The following NELL1 variants were observed in gnomAD, a reference collection of about 807,000 sequenced individuals.
The protein encoded by NELL1 is neural EGFL like 1, also known as protein kinase C-binding protein NELL1.
A neutral mutation model predicts 107.4 loss-of-function variants in NELL1; 76 were observed. The ratio of observed to expected loss-of-function variants is 0.71; its 90% CI spans 0.59 to 0.86. NELL1 has a LOEUF of 0.86. NELL1 is among the 40% of genes least tolerant of loss of function. NELL1 has a pLI of 0.00. For synonymous variants in NELL1, 353 were observed against 341.2 expected, an observed-to-expected ratio of 1.03 and a Z score of -0.38; for missense variants, 1,024 against 1,005.5, an observed-to-expected ratio of 1.02 and a Z score of -0.25.
chr11:21,373,744 C>T (rs933798447), intron 15 of NELL1, among the ~76,000 whole-genome samples: 8 of 152,060 alleles, frequency 5.3e-5, no homozygotes, highest in Non-Finnish European at 1.0e-4. Flanking sequence ...TTCATAACCC[C>T]CCTTAAGCAA....
chr11:21,017,088 T>C (rs182866953), intron 12 of NELL1, among the ~76,000 whole-genome samples: 1 of 152,216 alleles, frequency 6.6e-6, no homozygotes, highest in East Asian at 1.9e-4. Context: ...CCCTTCTGCA[T>C]CATATTGCAG....
At chr11:21,050,519 T>A (rs1461713012) in intron 12 of NELL1, among the ~76,000 whole-genome samples, 2 of 152,166 alleles carry the variant, frequency 1.3e-5, no homozygotes, top group East Asian at 3.9e-4. Context: ...CAGTGTTATC[T>A]GACTCGGAGA....
chr11:20,744,226 A>G (rs959433958), intron 2 of NELL1, among the ~76,000 whole-genome samples: 29 of 152,218 alleles, frequency 1.9e-4, no homozygotes, highest in African/African-American at 6.5e-4. Context: ...CTTATGCTGA[A>G]AACTGTCCAG....
chr11:21,564,239 G>A (rs1278636530), intron 17 of NELL1, among the ~76,000 whole-genome samples: 1 of 151,930 alleles, frequency 6.6e-6, no homozygotes, highest in Admixed American at 6.6e-5. Context: ...AAGGTTCAGA[G>A]GAGTAAAGAT....
intron 14 of NELL1, among the ~76,000 whole-genome samples, chr11:21,247,425 AT>A (rs1044273107): frequency 3.3e-5 from 5 of 151,516 alleles, no homozygotes; most frequent in South Asian, 2.1e-4. Context: ...TCTATTTTTA[AT>A]TTTTTTTTAA....
At chr11:20,889,069 G>T (rs920351342) in intron 5 of NELL1, among the ~76,000 whole-genome samples, 1 of 152,138 alleles carries the variant, frequency 6.6e-6, no homozygotes, top group South Asian at 2.1e-4. Flanking sequence ...TTCATCTCTT[G>T]AAGGGCTGCT....
intron 13 of NELL1, among the ~76,000 whole-genome samples, chr11:21,118,660 C>T (rs1007035449): frequency 9.9e-5 from 15 of 152,152 alleles, no homozygotes; most frequent in South Asian, 4.1e-4. Context: ...TATTTGACTC[C>T]GGATCCTGAT....
chr11:21,455,279 T>C (rs1282455686), intron 15 of NELL1, among the ~76,000 whole-genome samples: 1 of 151,414 alleles, frequency 6.6e-6, no homozygotes, highest in East Asian at 1.9e-4. Flanking sequence ...AATGTGACTT[T>C]TTTTTATCTG....
chr11:20,972,035 TGG>T (rs565159550), intron 12 of NELL1, among the ~76,000 whole-genome samples: 3,456 of 66,134 alleles, frequency 0.052, 144 homozygotes, highest in African/African-American at 0.16. Context: ...GGGAGCGGGG[TGG>T]GGGGCAAGGG....
chr11:20,673,960 A>T (rs1043729107), intron 1 of NELL1, among the ~76,000 whole-genome samples: 3 of 152,056 alleles, frequency 2.0e-5, no homozygotes, highest in African/African-American at 7.2e-5. Context: ...GCTATCCTTT[A>T]TACATCCTGC....
At chr11:21,022,376 T>C (rs1852721267) in intron 12 of NELL1, among the ~76,000 whole-genome samples, 1 of 152,026 alleles carries the variant, frequency 6.6e-6, no homozygotes, top group Admixed American at 6.6e-5. Flanking sequence ...GTACTCTAGT[T>C]TTGGGGGAGA....
intron 13 of NELL1, among the ~76,000 whole-genome samples, chr11:21,120,385 G>A (rs1229997476): frequency 6.6e-6 from 1 of 152,086 alleles, no homozygotes; most frequent in Admixed American, 6.6e-5. Flanking sequence ...TTTCAAATAT[G>A]AGATATCTGA....
intron 2 of NELL1, among the ~76,000 whole-genome samples, chr11:20,688,385 T>C (rs1004387671): frequency 6.6e-6 from 1 of 152,098 alleles, no homozygotes; most frequent in Non-Finnish European, 1.5e-5. Context: ...ATCAATATCT[T>C]CCCCCTCTCG....
intron 2 of NELL1, among the ~76,000 whole-genome samples, chr11:20,754,775 A>G (rs1049743899): frequency 2.6e-5 from 4 of 152,226 alleles, no homozygotes. Flanking sequence ...TATAACACAA[A>G]CAATCGTAAC....
chr11:21,075,535 A>G (rs1343212482), intron 12 of NELL1, among the ~76,000 whole-genome samples: 3 of 152,110 alleles, frequency 2.0e-5, no homozygotes, highest in East Asian at 1.9e-4. Context: ...ATACACTACA[A>G]TGGTACAATA....
Position 20,927,297 on chromosome 11 carries a change from CT to C in NELL1, c.760-9del. On this transcript the variant is annotated splice_polypyrimidine_tract_variant and intron_variant, in intron 7 of 19. Coordinates refer to ENST00000357134, the MANE Select transcript of NELL1 (RefSeq NM_006157.5). The stretch of plus-strand genomic sequence containing the variant: ...ATTACAGAAATTACATTCAGTAACT[CT>C]TGTTTGCAGCTAAATTATGCAGAGA... The C allele has an allele frequency of 6.3e-7, 1 of 1,599,096 alleles. No homozygotes were observed. The highest frequency in any genetic ancestry group is 1.1e-5 in the South Asian group (1 of 87,150).
chr11:20,783,591 C>G, intron 2 of NELL1, 89 bp from the exon 3 acceptor site: 3 of 871,860 alleles, frequency 3.4e-6, no homozygotes, highest in Non-Finnish European at 5.1e-6. Context: ...CTCATCTCCC[C>G]TCTCCTCTTT....
chr11:21,570,787 G>A lies in NELL1; in HGVS notation c.2004G>A (p.Arg668=), dbSNP rs142219695. 254 of 1,610,994 alleles carry A rather than the reference G, an allele frequency of 1.6e-4. No homozygotes were observed. The African/African-American group carries it at 3.0e-3, about 19-fold the overall frequency. ...SCKDGKIFCR[R]TACDCQNPSA... ...AGGATGGCAAGATATTCTGCCGACG[G>A]ACAGCTTGTGATTGCCAGAATCCAA... Residue 668 remains arginine (R), a synonymous_variant, in exon 18 of 20, where the codon CGG becomes CGA. Transcript: ENST00000357134.
chr11:20,714,194 A>ATTTTTTTTTTT, intron 2 of NELL1, among the ~76,000 whole-genome samples: 1 of 61,736 alleles, frequency 1.6e-5, no homozygotes, highest in Non-Finnish European at 2.8e-5. Context: ...TATCTCCCCG[A>ATTTTTTTTTTT]TTTTTTTTTT....
Sources: allele counts gnomAD v4.1 joint callset (sites outside exome capture counted in the v4.1 genomes callset), GRCh38; gene constraint gnomAD v4.1.1; transcripts MANE v1.5; gene names NCBI Gene and HGNC (gene_info 2026-07-23, HGNC 2026-07-21).